Variants in DAB1 observed in about 807,000 individuals in gnomAD.
DAB1 encodes the protein DAB adaptor protein 1.
Under a neutral mutation model 64.6 loss-of-function variants are expected in DAB1, and 15 were observed. That is an observed-to-expected ratio of 0.23 (90% CI 0.16 to 0.36). The LOEUF is 0.36. Ranked by LOEUF, DAB1 falls within the 10% of genes least tolerant of loss-of-function variation. The pLI is 1.00. For synonymous variants in DAB1, 235 were observed against 251.9 expected (o/e 0.93, Z 0.64); for missense variants, 596 against 706.7 (o/e 0.84, Z 1.78).
At chr1:57,236,751 G>A (rs1668114938) in intron 2 of DAB1, among the ~76,000 whole-genome samples, 1 of 152,160 alleles carries the variant, frequency 6.6e-6, no homozygotes, top group Non-Finnish European at 1.5e-5. Flanking sequence ...TCACTCTGAT[G>A]CCATGGTAGA....
At chr1:57,612,820 T>A (rs1403207357) in intron 7 of DAB1, among the ~76,000 whole-genome samples, 1 of 152,166 alleles carries the variant, frequency 6.6e-6, no homozygotes, top group Non-Finnish European at 1.5e-5. Flanking sequence ...ACTGTAAACT[T>A]TATAAATATA....
At chr1:57,067,106 C>T (rs1413633493) in intron 8 of DAB1, among the ~76,000 whole-genome samples, 1 of 152,134 alleles carries the variant, frequency 6.6e-6, no homozygotes, top group Non-Finnish European at 1.5e-5. Context: ...AAATTGAGCC[C>T]CAGCAGACTG....
intron 3 of DAB1, among the ~76,000 whole-genome samples, chr1:58,367,339 C>A (rs765576961): frequency 2.0e-5 from 3 of 152,192 alleles, no homozygotes; most frequent in Non-Finnish European, 2.9e-5. Flanking sequence ...ATAGAAAATG[C>A]CCCAGCCAAC....
chr1:57,822,183 A>C (rs1466416026), downstream of DAB1, among the ~76,000 whole-genome samples: 2 of 152,208 alleles, frequency 1.3e-5, no homozygotes, highest in African/African-American at 4.8e-5. Context: ...TCAACCTATA[A>C]TTATTTGTCA....
chr1:58,081,831 T>TGGG (rs1399805921), intron 5 of DAB1, among the ~76,000 whole-genome samples: 8 of 152,214 alleles, frequency 5.3e-5, no homozygotes, highest in Admixed American at 5.2e-4. Flanking sequence ...CCCACTTGAA[T>TGGG]GTACTTTCTT....
intron 7 of DAB1, among the ~76,000 whole-genome samples, chr1:57,592,858 C>G (rs1570655854): frequency 6.6e-6 from 1 of 152,138 alleles, no homozygotes; most frequent in Non-Finnish European, 1.5e-5. Context: ...CTCACTCTGT[C>G]TTTCCTCTCT....
At chr1:58,507,836 T>C (rs1015007356) in intron 2 of DAB1, among the ~76,000 whole-genome samples, 1 of 152,164 alleles carries the variant, frequency 6.6e-6, no homozygotes, top group African/African-American at 2.4e-5. Context: ...GATTAACAAG[T>C]ATTCTTCTCA....
chr1:58,238,327 C>T (rs372076936), intron 4 of DAB1, among the ~76,000 whole-genome samples: 18 of 152,090 alleles, frequency 1.2e-4, no homozygotes, highest in Non-Finnish European at 2.1e-4. Context: ...CCATCATGAA[C>T]GGTAAATGTG....
At chr1:58,496,005 G>A (rs1338997269) in intron 3 of DAB1, among the ~76,000 whole-genome samples, 6 of 151,964 alleles carry the variant, frequency 3.9e-5, no homozygotes, top group Admixed American at 3.9e-4. Context: ...ATGATACTCT[G>A]GGAATCTCCT....
At chr1:58,533,858 T>C (rs1191386691) in intron 1 of DAB1, 1 of 761,456 alleles carries the variant, frequency 1.3e-6, no homozygotes, top group Non-Finnish European at 2.4e-6. Flanking sequence ...TCTATCATTT[T>C]TAAAAAACCT....
At chr1:57,287,899 G>A (rs577893649) in intron 2 of DAB1, among the ~76,000 whole-genome samples, 7 of 152,062 alleles carry the variant, frequency 4.6e-5, no homozygotes, top group South Asian at 4.2e-4. Flanking sequence ...AGGTTCAAGC[G>A]ATTCTCCTGC....
intron 4 of DAB1, among the ~76,000 whole-genome samples, chr1:58,173,975 C>T (rs1021236426): frequency 3.3e-5 from 5 of 152,162 alleles, no homozygotes; most frequent in Non-Finnish European, 7.3e-5. Context: ...TATCCTACTA[C>T]CACACACTCT....
intron 3 of DAB1, among the ~76,000 whole-genome samples, chr1:58,410,620 T>C (rs1644658988): frequency 1.3e-5 from 2 of 152,226 alleles, no homozygotes; most frequent in South Asian, 4.1e-4. Flanking sequence ...AGACCCGTAA[T>C]AGAAGCAGGA....
chr1:58,400,420 G>A (rs909117605), intron 3 of DAB1, among the ~76,000 whole-genome samples: 5 of 152,178 alleles, frequency 3.3e-5, no homozygotes, highest in African/African-American at 4.8e-5. Context: ...GGTGGCTGTG[G>A]AGGGCAGCAG....
chr1:58,449,696 C>T (rs1645111212), intron 3 of DAB1, among the ~76,000 whole-genome samples: 1 of 152,182 alleles, frequency 6.6e-6, no homozygotes, highest in Non-Finnish European at 1.5e-5. Context: ...AAGTGAAATG[C>T]TTGCCTACCC....
At chr1:58,528,913 G>C (rs1646391360) in intron 1 of DAB1, among the ~76,000 whole-genome samples, 1 of 152,122 alleles carries the variant, frequency 6.6e-6, no homozygotes, top group Non-Finnish European at 1.5e-5. Flanking sequence ...GAATTACAGT[G>C]AAGTGGCAGA....
chr1:57,524,824 C>T (rs1423866640), intron 7 of DAB1, among the ~76,000 whole-genome samples: 6 of 151,982 alleles, frequency 3.9e-5, no homozygotes, highest in Admixed American at 6.5e-5. Flanking sequence ...ACAGGGGATG[C>T]CACGGCTTGG....
chr1:58,462,191 G>C (rs1019238992), intron 3 of DAB1, among the ~76,000 whole-genome samples: 1 of 148,602 alleles, frequency 6.7e-6, no homozygotes, highest in Non-Finnish European at 1.5e-5. Flanking sequence ...CAGTGGCGCA[G>C]TCTCGGCTCA....
At chr1:57,851,546 AC>A (rs1460052533) in intron 1 of DAB1, among the ~76,000 whole-genome samples, 10 of 152,206 alleles carry the variant, frequency 6.6e-5, no homozygotes, top group African/African-American at 2.4e-4. Context: ...GCAGAAGAGT[AC>A]TGGGATTGTA....
Sources: allele counts gnomAD v4.1 joint callset (sites outside exome capture counted in the v4.1 genomes callset), GRCh38; gene constraint gnomAD v4.1.1; transcripts MANE v1.5; gene names NCBI Gene and HGNC (gene_info 2026-07-23, HGNC 2026-07-21).